RBFOX1: variants seen among roughly 807,000 people sequenced by gnomAD.
RBFOX1 encodes RNA binding fox-1 homolog 1.
Under a neutral mutation model 57.7 loss-of-function variants are expected in RBFOX1, and 8 were observed. The ratio of observed to expected loss-of-function variants is 0.14; its 90% CI spans 0.08 to 0.25. The LOEUF is 0.25. Ranked by LOEUF, RBFOX1 falls within the 10% of genes least tolerant of loss-of-function variation. RBFOX1 has a pLI of 1.00. For missense variants in RBFOX1, 611 were observed against 548.5 expected (o/e 1.11, Z -1.14); for synonymous variants, 326 against 222.4 (o/e 1.47, Z -4.15).
intron 3 of RBFOX1, among the ~76,000 whole-genome samples, chr16:6,809,125 C>T (rs1391966218): frequency 6.6e-6 from 1 of 152,194 alleles, no homozygotes; most frequent in South Asian, 2.1e-4. Flanking sequence ...AACCTGTCAC[C>T]AGTTCAGCTG....
chr16:7,507,565 C>CTTTTTT (rs3030308), intron 4 of RBFOX1, among the ~76,000 whole-genome samples: 2 of 132,558 alleles, frequency 1.5e-5, no homozygotes, highest in African/African-American at 5.7e-5. Flanking sequence ...TTCTTTCTTT[C>CTTTTTT]TTTTTTTTTT....
At chr16:6,118,727 C>G (rs1196106178) in intron 1 of RBFOX1, among the ~76,000 whole-genome samples, 5 of 143,250 alleles carry the variant, frequency 3.5e-5, no homozygotes, top group Non-Finnish European at 7.4e-5. Context: ...CCCTCTTTCT[C>G]TCTCTCTCTC....
chr16:6,988,865 G>T (rs2090907553), intron 3 of RBFOX1, among the ~76,000 whole-genome samples: 1 of 151,504 alleles, frequency 6.6e-6, no homozygotes, highest in South Asian at 2.1e-4. Context: ...TCTCCCTCCT[G>T]GGTTCAGTGA....
intron 11 of RBFOX1, among the ~76,000 whole-genome samples, chr16:7,633,591 A>C (rs927460474): frequency 6.6e-6 from 1 of 152,316 alleles, no homozygotes; most frequent in Admixed American, 6.5e-5. Flanking sequence ...CCACCCCATT[A>C]AAAAGCAAAA....
In RBFOX1 at chr16:7,657,981, G is replaced by A. The variant is rs377660195; in HGVS notation, c.890+4034G>A. ...GGGCCCCAATATTCTACCCATACTG[G>A]CTTGGATAGCTTACTTAACGTCTAT... On this transcript the variant is annotated intron_variant, in intron 12 of 15. Coordinates refer to ENST00000550418, the MANE Select transcript of RBFOX1 (RefSeq NM_018723.4). Among the ~76,000 whole-genome samples the A allele has an allele frequency of 7.2e-5, 11 of 152,186 alleles. No individual in the cohort carries two copies. In the East Asian group the frequency reaches 2.1e-3, roughly 29 times the overall value.
rs140974810 is a variant in RBFOX1 at position 6,895,655 on chromosome 16, T to G, written c.-15-156402T>G. Among the ~76,000 whole-genome samples the G allele has an allele frequency of 1.9e-3, 289 of 151,134 alleles. 1 individual carries two copies. Among genetic ancestry groups the G allele is most frequent in the African/African-American group, 6.2e-3 (256 of 41,184 alleles). On this transcript the variant is annotated intron_variant, in intron 3 of 15. Coordinates refer to ENST00000550418, the MANE Select transcript of RBFOX1 (RefSeq NM_018723.4). ...ATAGATCCTTGACAATGCCAATGTT[T>G]TGTGGAAAGGAGGCAAAAGTACCTG...
intron 3 of RBFOX1, among the ~76,000 whole-genome samples, chr16:6,966,301 A>G (rs939438023): frequency 6.6e-6 from 1 of 152,142 alleles, no homozygotes; most frequent in Non-Finnish European, 1.5e-5. Context: ...GGCACTGAGG[A>G]TAAAATGGGA....
intron 3 of RBFOX1, among the ~76,000 whole-genome samples, chr16:6,725,300 C>G (rs1231658565): frequency 5.9e-5 from 9 of 151,928 alleles, no homozygotes; most frequent in Admixed American, 5.9e-4. Flanking sequence ...ATCCACCCAC[C>G]TCGGCCTCCC....
chr16:6,136,028 C>G (rs1012449725), intron 1 of RBFOX1, among the ~76,000 whole-genome samples: 4 of 152,064 alleles, frequency 2.6e-5, no homozygotes, highest in African/African-American at 7.2e-5. Context: ...CTCCTGACCT[C>G]AAGTGATCTG....
chr16:7,698,063 G>A (rs1246529564), intron 14 of RBFOX1, among the ~76,000 whole-genome samples: 1 of 152,048 alleles, frequency 6.6e-6, no homozygotes, highest in Admixed American at 6.6e-5. Context: ...GTGTGTTCTA[G>A]GTTAATTCAC....
At chr16:6,681,347 G>A (rs543337909) in intron 3 of RBFOX1, among the ~76,000 whole-genome samples, 19 of 152,240 alleles carry the variant, frequency 1.2e-4, no homozygotes, top group Non-Finnish European at 2.5e-4. Context: ...TATTTTGATC[G>A]CATCTTGGTT....
intron 4 of RBFOX1, among the ~76,000 whole-genome samples, chr16:7,459,469 G>C (rs1252958184): frequency 6.6e-6 from 1 of 152,172 alleles, no homozygotes; most frequent in Non-Finnish European, 1.5e-5. Flanking sequence ...GGTGAAAGAA[G>C]ACATAAAAAC....
At position 6,852,776 on chromosome 16, in the gene RBFOX1, A is replaced by T. The variant is rs145479418; in HGVS notation, c.-16+198126A>T. ...GCATGCTGGGAACTAGCTGTCTGGG[A>T]GAGGTACATGCTGGGAACTAGCTGT... On this transcript the variant is annotated intron_variant, in intron 3 of 15. Coordinates refer to ENST00000550418, the MANE Select transcript of RBFOX1 (RefSeq NM_018723.4). 3.4e-4 allele frequency among the ~76,000 whole-genome samples: 52 copies of T among 151,502 alleles called. 1 individual carries two copies. Among genetic ancestry groups the T allele is most frequent in the Admixed American group, 2.8e-3 (42 of 15,212 alleles).
chr16:7,371,111 T>G (rs745689157), intron 4 of RBFOX1, among the ~76,000 whole-genome samples: 1 of 152,206 alleles, frequency 6.6e-6, no homozygotes, highest in Non-Finnish European at 1.5e-5. Context: ...TCTGATGTTT[T>G]CATAAATGCC....
chr16:7,064,543 G>A (rs2055454213), intron 4 of RBFOX1, among the ~76,000 whole-genome samples: 1 of 152,104 alleles, frequency 6.6e-6, no homozygotes, highest in African/African-American at 2.4e-5. Flanking sequence ...CCCAAAGGGA[G>A]ATGATCACCT....
At chr16:5,981,116 G>C (rs976068108) in intron 4 of RBFOX1, among the ~76,000 whole-genome samples, 1 of 152,176 alleles carries the variant, frequency 6.6e-6, no homozygotes, top group African/African-American at 2.4e-5. Flanking sequence ...TACCGATACA[G>C]ATTTCCCTTT....
At chr16:5,308,525 T>C (rs35309613) in intron 1 of RBFOX1, among the ~76,000 whole-genome samples, 16,635 of 152,148 alleles carry the variant, frequency 0.11, 978 homozygotes, top group African/African-American at 0.15. Flanking sequence ...CTGGCTGTGA[T>C]AGATGAGATT....
chr16:5,852,524 G>A (rs747378), intron 3 of RBFOX1, among the ~76,000 whole-genome samples: 3 of 152,182 alleles, frequency 2.0e-5, no homozygotes, highest in African/African-American at 4.8e-5. Context: ...GGCTGGCTCC[G>A]GATGGAGGTC....
intron 4 of RBFOX1, among the ~76,000 whole-genome samples, chr16:7,331,868 A>G (rs971367636): frequency 2.0e-5 from 3 of 152,136 alleles, no homozygotes; most frequent in African/African-American, 4.8e-5. Context: ...ATCTGCTCCT[A>G]TGTAACATAT....
Sources: gnomAD v4.1 joint callset for allele counts (sites outside exome capture counted in the v4.1 genomes callset) on GRCh38, gnomAD v4.1.1 for gene constraint, MANE v1.5 for transcripts, NCBI Gene and HGNC (gene_info 2026-07-23, HGNC 2026-07-21) for gene names.